The following RFTN2 variants were observed in gnomAD, a reference collection of about 807,000 sequenced individuals.
RFTN2 encodes raftlin family member 2.
In RFTN2, 34 loss-of-function variants were observed where a neutral mutation model predicts 52.7. That is an observed-to-expected ratio of 0.64 (90% CI 0.49 to 0.86). The LOEUF is 0.86. Among genes scored for constraint, RFTN2 ranks in the 40% least tolerant of loss-of-function variants. The pLI, the probability that RFTN2 is intolerant of heterozygous loss-of-function variation, is 0.00. For missense variants in RFTN2, 536 were observed against 600.1 expected (o/e 0.89, Z 1.12); for synonymous variants, 203 against 217.7 (o/e 0.93, Z 0.59).
At chr2:197,646,894 C>T (rs2088758680) in intron 1 of RFTN2, among the ~76,000 whole-genome samples, 1 of 17,562 alleles carries the variant, frequency 5.7e-5, no homozygotes, top group Non-Finnish European at 1.0e-4. Flanking sequence ...GACATTGTCT[C>T]TACAAAAAAA....
chr2:197,583,707 C>T (rs1343164877), intron 8 of RFTN2, among the ~76,000 whole-genome samples: 1 of 151,626 alleles, frequency 6.6e-6, no homozygotes, highest in Non-Finnish European at 1.5e-5. Context: ...TATACATGTG[C>T]CATGTTGGTG....
At chr2:197,573,895 ATGT>A (rs1021717677) in intron 8 of RFTN2, among the ~76,000 whole-genome samples, 3 of 152,328 alleles carry the variant, frequency 2.0e-5, no homozygotes, top group East Asian at 1.9e-4. Flanking sequence ...GGTGGCTCAC[ATGT>A]TGTTTTGGGC....
chr2:197,569,194 C>G lies in RFTN2; in HGVS notation c.*2814G>C, dbSNP rs886507738. On this transcript the variant is annotated 3_prime_UTR_variant, in exon 9 of 9. Transcript: ENST00000295049. Reference sequence around the variant, plus strand: ...ATAGATACTACACCAAGGGGAATGGCAGATCTTCACCCAACATCTGGGATC... The same window carrying G: ...ATAGATACTACACCAAGGGGAATGGGAGATCTTCACCCAACATCTGGGATC... The G allele has an allele frequency of 6.6e-6, 1 of 152,140 alleles. No individual in the cohort carries two copies. Among genetic ancestry groups the G allele is most frequent in the African/African-American group, 2.4e-5 (1 of 41,420 alleles). 9.4% of individuals were successfully genotyped at this position (152,140 alleles called of 1,614,324 possible). A position where few individuals can be genotyped will look rare whatever the true frequency, so the allele number is the denominator to read the frequency against.
chr2:197,630,984 A>T, intron 5 of RFTN2, 27 bp downstream of exon 5: 1 of 1,444,476 alleles, frequency 6.9e-7, no homozygotes, highest in Non-Finnish European at 9.7e-7. Context: ...TTCCTCAGAT[A>T]TAAAATATCA....
chr2:197,647,676 G>A (rs555057624), intron 1 of RFTN2, among the ~76,000 whole-genome samples: 9 of 152,232 alleles, frequency 5.9e-5, no homozygotes, highest in African/African-American at 2.2e-4. Context: ...AATTTCTCAT[G>A]GTGCTTATGT....
At chr2:197,636,050 A>C (rs572512806) in intron 3 of RFTN2, among the ~76,000 whole-genome samples, 1 of 148,140 alleles carries the variant, frequency 6.8e-6, no homozygotes, top group Non-Finnish European at 1.5e-5. Context: ...ATAGTTGTAG[A>C]TATGCGGCGT....
intron 1 of RFTN2, among the ~76,000 whole-genome samples, chr2:197,654,181 A>G (rs2088861285): frequency 6.6e-6 from 1 of 152,116 alleles, no homozygotes; most frequent in Non-Finnish European, 1.5e-5. Flanking sequence ...TGAGGCCAGG[A>G]GTTTGAGACG....
At chr2:197,591,939 C>T (rs1574688549) in intron 8 of RFTN2, among the ~76,000 whole-genome samples, 2 of 152,168 alleles carry the variant, frequency 1.3e-5, no homozygotes, top group South Asian at 2.1e-4. Flanking sequence ...CACGCCTCTC[C>T]CTCCACCCCT....
chr2:197,633,031 T>C (rs1025332074), intron 4 of RFTN2, among the ~76,000 whole-genome samples: 2 of 152,202 alleles, frequency 1.3e-5, no homozygotes, highest in Admixed American at 6.6e-5. Context: ...GAGCCCATGT[T>C]GTTAATGCTA....
At chr2:197,588,008 T>C (rs1323134006) in intron 8 of RFTN2, 5 of 470,508 alleles carry the variant, frequency 1.1e-5, no homozygotes, top group East Asian at 6.9e-5. Flanking sequence ...CTTTTCACAC[T>C]GTCTTACCCA....
At position 197,571,070 on chromosome 2, in the gene RFTN2, G is replaced by A. The variant is rs1044345207; in HGVS notation, c.*938C>T. ...AACAAAATATGTTATCATACATATCGCGTGTGCTATGAGCATCTTTCTACT... is the reference window on the plus strand; with the variant it reads ...AACAAAATATGTTATCATACATATCACGTGTGCTATGAGCATCTTTCTACT... On this transcript the variant is annotated 3_prime_UTR_variant, in exon 9 of 9. Transcript: ENST00000295049. The A allele has an allele frequency of 2.6e-5, 4 of 152,204 alleles. No individual in the cohort carries two copies. Among genetic ancestry groups the A allele is most frequent in the African/African-American group, 4.8e-5 (2 of 41,402 alleles). 9.4% of individuals were successfully genotyped at this position (152,204 alleles called of 1,614,324 possible). A position where few individuals can be genotyped will look rare whatever the true frequency, so the allele number is the denominator to read the frequency against.
At chr2:197,630,300 C>T (rs957505518) in intron 5 of RFTN2, among the ~76,000 whole-genome samples, 3 of 152,086 alleles carry the variant, frequency 2.0e-5, no homozygotes, top group Admixed American at 2.0e-4. Flanking sequence ...TTTAAGAGTT[C>T]CTAATTATCC....
chr2:197,673,967 A>G (rs189771725), intron 1 of RFTN2, among the ~76,000 whole-genome samples: 1 of 152,318 alleles, frequency 6.6e-6, no homozygotes, highest in East Asian at 1.9e-4. Flanking sequence ...GTCCTAAAAA[A>G]AAATTGATGA....
At chr2:197,577,944 T>C (rs1300581515) in intron 8 of RFTN2, among the ~76,000 whole-genome samples, 2 of 152,174 alleles carry the variant, frequency 1.3e-5, no homozygotes, top group Non-Finnish European at 2.9e-5. Context: ...GTTGAACTCC[T>C]GGACTTAAGT....
intron 7 of RFTN2, among the ~76,000 whole-genome samples, chr2:197,604,691 G>GC (rs2087930966): frequency 6.6e-6 from 1 of 152,216 alleles, no homozygotes; most frequent in Non-Finnish European, 1.5e-5. Flanking sequence ...CAGCTGTGAT[G>GC]ACACAGGTCT....
At chr2:197,646,780 T>A (rs1271094782) in intron 1 of RFTN2, 114 bp from the exon 2 acceptor site, 4 of 801,928 alleles carry the variant, frequency 5.0e-6, no homozygotes, top group South Asian at 1.8e-5. Flanking sequence ...CCGGGTGCAA[T>A]GGCACATGCG....
chr2:197,596,204 T>C (rs2087792668), intron 7 of RFTN2, 135 bp from the exon 8 acceptor site: 1 of 476,480 alleles, frequency 2.1e-6, no homozygotes, highest in Non-Finnish European at 3.6e-6. Flanking sequence ...TAAATCTTTT[T>C]TTTCTTCCAG....
chr2:197,578,747 G>T (rs2087458750), intron 8 of RFTN2, among the ~76,000 whole-genome samples: 1 of 152,164 alleles, frequency 6.6e-6, no homozygotes, highest in Non-Finnish European at 1.5e-5. Flanking sequence ...AAGCCTGTTT[G>T]GTGGTCTCTT....
chr2:197,675,485 C>G lies in RFTN2; in HGVS notation c.-27G>C. On this transcript the variant is annotated 5_prime_UTR_variant, in exon 1 of 9. Transcript: ENST00000295049. ...GCAAAATCTGTAAGGAATTAAATTG[C>G]AGGAAAGGGGAGGGAGAGCAGCAAA... 6.8e-7 allele frequency: 1 copy of G among 1,477,372 alleles called. No homozygotes were observed. The highest frequency in any genetic ancestry group is 9.0e-7 in the Non-Finnish European group (1 of 1,110,508). 91.5% of individuals were successfully genotyped at this position (1,477,372 alleles called of 1,614,324 possible). A position where few individuals can be genotyped will look rare whatever the true frequency, so the allele number is the denominator to read the frequency against.
Sources: allele counts gnomAD v4.1 joint callset (sites outside exome capture counted in the v4.1 genomes callset), GRCh38; gene constraint gnomAD v4.1.1; transcripts MANE v1.5; gene names NCBI Gene and HGNC (gene_info 2026-07-23, HGNC 2026-07-21).